The following PELI2 variants were observed in gnomAD, a reference collection of about 807,000 sequenced individuals.
PELI2 encodes the protein E3 ubiquitin-protein ligase pellino homolog 2.
In PELI2, 23 loss-of-function variants were observed where a neutral mutation model predicts 42.3. That is an observed-to-expected ratio of 0.54 (90% confidence interval 0.39 to 0.77). PELI2 has a LOEUF of 0.77. Among genes scored for constraint, PELI2 ranks in the 30% least tolerant of loss-of-function variants. The pLI is 0.00. For synonymous variants in PELI2, 245 were observed against 212.2 expected (o/e 1.15, Z -1.34); for missense variants, 463 against 553.2 (o/e 0.84, Z 1.64).
At chr14:56,272,375 G>A (rs1889137174) in intron 2 of PELI2, among the ~76,000 whole-genome samples, 1 of 152,212 alleles carries the variant, frequency 6.6e-6, no homozygotes, top group African/African-American at 2.4e-5. Context: ...ACACACGCAT[G>A]CACACCGCAT....
intron 2 of PELI2, among the ~76,000 whole-genome samples, chr14:56,179,722 G>A (rs1885515745): frequency 6.6e-6 from 1 of 152,150 alleles, no homozygotes. Context: ...AAGGAAGTAG[G>A]AGAAACATTT....
intron 2 of PELI2, among the ~76,000 whole-genome samples, chr14:56,204,031 G>C (rs1886431109): frequency 1.3e-5 from 2 of 152,202 alleles, no homozygotes; most frequent in Admixed American, 1.3e-4. Context: ...GTCAGGAAGG[G>C]AGATCTGAGC....
intron 2 of PELI2, among the ~76,000 whole-genome samples, chr14:56,272,221 G>C (rs901490228): frequency 6.6e-6 from 1 of 152,218 alleles, no homozygotes; most frequent in Non-Finnish European, 1.5e-5. Flanking sequence ...GGGATGTCTA[G>C]ACAAGAGGGA....
At chr14:56,171,101 G>A (rs1034382617) in intron 1 of PELI2, among the ~76,000 whole-genome samples, 1 of 152,166 alleles carries the variant, frequency 6.6e-6, no homozygotes. Context: ...TTGTCTTTAT[G>A]ACTGGGCTCT....
At chr14:56,233,266 A>G (rs149586121) in intron 2 of PELI2, among the ~76,000 whole-genome samples, 13 of 152,312 alleles carry the variant, frequency 8.5e-5, no homozygotes, top group African/African-American at 2.6e-4. Flanking sequence ...TAAAGTTCAC[A>G]TGGAACCGAA....
In PELI2 at chr14:56,279,809, G is replaced by A. The variant is rs757132350; in HGVS notation, c.309+32G>A. The A allele has an allele frequency of 1.2e-5, 14 of 1,160,864 alleles. 1 individual carries two copies. Among genetic ancestry groups the A allele is most frequent in the Middle Eastern group, 2.2e-4 (1 of 4,638 alleles). The allele number at this position is 1,160,864 out of a possible 1,614,324, so 71.9% of individuals were successfully genotyped here. A position where few individuals can be genotyped will look rare whatever the true frequency, so the allele number is the denominator to read the frequency against. Reference sequence around the variant, plus strand: ...TTTTTCTTTTTTAATAGAAATTTTAGCACGTTTTCCTTTAATTCTCTATTT... The same window carrying A: ...TTTTTCTTTTTTAATAGAAATTTTAACACGTTTTCCTTTAATTCTCTATTT... On this transcript the variant is annotated intron_variant, in intron 3 of 5. Transcript: ENST00000267460.
intron 2 of PELI2, among the ~76,000 whole-genome samples, chr14:56,181,851 TG>T (rs1303925132): frequency 8.7e-6 from 1 of 114,746 alleles, no homozygotes; most frequent in Non-Finnish European, 2.1e-5. Flanking sequence ...TGTGTGTGTG[TG>T]TGTGTGTGTG....
At chr14:56,166,199 T>C (rs1437788440) in intron 1 of PELI2, among the ~76,000 whole-genome samples, 3 of 152,182 alleles carry the variant, frequency 2.0e-5, no homozygotes, top group Non-Finnish European at 2.9e-5. Flanking sequence ...CCGGTTATTT[T>C]AACCCAATAA....
At chr14:56,265,628 G>T (rs116125826) in intron 2 of PELI2, among the ~76,000 whole-genome samples, 8 of 152,116 alleles carry the variant, frequency 5.3e-5, no homozygotes, top group African/African-American at 4.8e-5. Flanking sequence ...AAGAACTTAC[G>T]CCTTTGGAAT....
Position 56,118,664 on chromosome 14 carries a change from T to G in PELI2, c.4T>G (p.Phe2Val). Reference sequence around the variant, plus strand: ...GTCGGCGGCCGAGCGGGGCTCCATGTTTTCCCCTGGCCAGGAGGAACACTG... The same window carrying G: ...GTCGGCGGCCGAGCGGGGCTCCATGGTTTCCCCTGGCCAGGAGGAACACTG... Reference protein sequence around the residue: MFSPGQEEHCAP... With the variant: MVSPGQEEHCAP... The change falls in exon 1 of 6, where the codon TTT becomes GTT. Residue 2 changes from phenylalanine (F) to valine (V), a missense_variant. Around this residue, in one of 3 missense-constraint regions of PELI2, gnomAD observed 343 missense variants for 378.4 expected, o/e 0.91. Transcript: ENST00000267460. 6.9e-7 allele frequency: 1 copy of G among 1,453,420 alleles called. No homozygotes were observed. The highest frequency in any genetic ancestry group is 1.4e-5 in the South Asian group (1 of 73,796). The allele number at this position is 1,453,420 out of a possible 1,614,324, so 90.0% of individuals were successfully genotyped here. A position where few individuals can be genotyped will look rare whatever the true frequency, so the allele number is the denominator to read the frequency against.
At chr14:56,241,312 T>C (rs752345346) in intron 2 of PELI2, among the ~76,000 whole-genome samples, 17 of 151,978 alleles carry the variant, frequency 1.1e-4, no homozygotes, top group South Asian at 6.2e-4. Flanking sequence ...AGTAGAACAA[T>C]TGGGGGGGAA....
intron 1 of PELI2, among the ~76,000 whole-genome samples, chr14:56,174,375 A>G (rs1164981218): frequency 6.6e-6 from 1 of 152,116 alleles, no homozygotes; most frequent in Admixed American, 6.5e-5. Flanking sequence ...ATTTCCAGTC[A>G]TGTTAGCCAT....
In PELI2 at chr14:56,171,908, C is replaced by T. The variant is rs1465713348; in HGVS notation, c.78-6427C>T. ...GTGTGCACCTGTCGTCCCTGTTACTCGGGAGGCTGAGGCATGAGGATCACT... is the reference window on the plus strand; with the variant it reads ...GTGTGCACCTGTCGTCCCTGTTACTTGGGAGGCTGAGGCATGAGGATCACT... On this transcript the variant is annotated intron_variant, in intron 1 of 5. Coordinates refer to ENST00000267460, the MANE Select transcript of PELI2 (RefSeq NM_021255.3). 8.5e-5 allele frequency among the ~76,000 whole-genome samples: 13 copies of T among 152,066 alleles called. No individual in the cohort carries two copies. In the South Asian group the frequency reaches 1.0e-3, roughly 12 times the overall value.
At chr14:56,158,892 AC>A (rs1485559971) in intron 1 of PELI2, among the ~76,000 whole-genome samples, 16 of 152,220 alleles carry the variant, frequency 1.1e-4, no homozygotes, top group Non-Finnish European at 2.2e-4. Flanking sequence ...ATTTAATATT[AC>A]CATCTGTCTT....
At chr14:56,162,479 C>T (rs182907072) in intron 1 of PELI2, among the ~76,000 whole-genome samples, 32 of 152,106 alleles carry the variant, frequency 2.1e-4, no homozygotes, top group African/African-American at 1.2e-4. Context: ...TACTCCATTG[C>T]GTATATGTAC....
chr14:56,238,362 A>G (rs2139787686), intron 2 of PELI2, among the ~76,000 whole-genome samples: 1 of 152,334 alleles, frequency 6.6e-6, no homozygotes, highest in South Asian at 2.1e-4. Flanking sequence ...TTTCGTATTA[A>G]CTGCATTAAT....
chr14:56,268,922 C>T (rs568572413), intron 2 of PELI2, among the ~76,000 whole-genome samples: 36 of 152,254 alleles, frequency 2.4e-4, no homozygotes, highest in Admixed American at 1.0e-3. Flanking sequence ...TTGGGAGGTG[C>T]CATCAGAGTC....
intron 2 of PELI2, among the ~76,000 whole-genome samples, chr14:56,225,732 C>T (rs934350621): frequency 1.3e-5 from 2 of 152,098 alleles, no homozygotes; most frequent in African/African-American, 2.4e-5. Flanking sequence ...CAGAAGCCAC[C>T]GAAGGAGAGC....
At chr14:56,296,376 G>T (rs1474174307) in intron 5 of PELI2, among the ~76,000 whole-genome samples, 2 of 152,186 alleles carry the variant, frequency 1.3e-5, no homozygotes, top group African/African-American at 4.8e-5. Context: ...TACATACTGT[G>T]CTCAGGGCTT....
Sources: allele counts gnomAD v4.1 joint callset (sites outside exome capture counted in the v4.1 genomes callset), GRCh38; gene constraint gnomAD v4.1.1; regional missense constraint gnomAD v4.1.1; transcripts MANE v1.5; gene names NCBI Gene and HGNC (gene_info 2026-07-23, HGNC 2026-07-21).